TRPM4: variants seen among roughly 807,000 people sequenced by gnomAD.
The protein encoded by TRPM4 is transient receptor potential cation channel subfamily M member 4.
TRPM4 carries 124 observed loss-of-function variants against 135.6 expected under a neutral mutation model. That is an observed-to-expected ratio of 0.91 (90% CI 0.79 to 1.06). The LOEUF is 1.06. Ranked by LOEUF, TRPM4 falls within the 50% of genes least tolerant of loss-of-function variation. TRPM4 has a pLI of 0.00. For synonymous variants in TRPM4, 745 were observed against 705.6 expected (o/e 1.06, Z -0.88); for missense variants, 1,658 against 1,671.4 (o/e 0.99, Z 0.14).
chr19:49,182,501 C>T (rs936223017), intron 10 of TRPM4, 77 bp from the exon 11 acceptor site: 3 of 1,128,124 alleles, frequency 2.7e-6, no homozygotes, highest in African/African-American at 1.5e-5. Flanking sequence ...TCCATCCATC[C>T]GTCCCTCATA....
chr19:49,210,692 C>G lies in TRPM4; in HGVS notation c.3329-18C>G, dbSNP rs372309025. The G allele has an allele frequency of 1.2e-6, 2 of 1,613,658 alleles. No homozygotes were observed. Among genetic ancestry groups the G allele is most frequent in the African/African-American group, 2.7e-5 (2 of 74,906 alleles). On this transcript the variant is annotated intron_variant, in intron 21 of 24. Transcript: ENST00000252826. The surrounding 1 kb of genome is among the most constrained non-coding windows in gnomAD (Gnocchi z 4.1). ...AAGGGGCGTGGCCTGAGCCCTTTGA[C>G]TCCGCCCGCCCCTGCAGGGGTTTAC...
intron 2 of TRPM4, among the ~76,000 whole-genome samples, chr19:49,164,340 C>T: frequency 7.9e-6 from 1 of 127,192 alleles, no homozygotes; most frequent in Admixed American, 8.3e-5. Context: ...GTCTCTCTCC[C>T]TCCCTCCTTC....
chr19:49,198,861 A>G (rs933104885), intron 17 of TRPM4, among the ~76,000 whole-genome samples: 11 of 151,964 alleles, frequency 7.2e-5, no homozygotes, highest in Admixed American at 2.6e-4. Flanking sequence ...GGCCTCTCAA[A>G]GTGCTGGGAT....
rs757819250 is a variant in TRPM4, at chr19:49,210,311, CT to C, written c.3237del (p.Phe1079LeufsTer44). The C allele has an allele frequency of 6.2e-6, 10 of 1,614,134 alleles. No individual in the cohort carries two copies. The highest frequency in any genetic ancestry group is 1.6e-4 in the Middle Eastern group (1 of 6,084). ...FHSRPALAPP[F>X]IVISHLRLLL... ...ACTCTCGGCCCGCGCTGGCCCCGCCCTTTATCGTCATCTCCCACTTGCGCCT... is the reference window on the plus strand; with the variant it reads ...ACTCTCGGCCCGCGCTGGCCCCGCCCTTATCGTCATCTCCCACTTGCGCCT... On this transcript the variant is annotated frameshift_variant, in exon 21 of 25. Transcript: ENST00000252826. LOFTEE classifies it high-confidence loss of function. The surrounding 1 kb of genome is among the most constrained non-coding windows in gnomAD (Gnocchi z 4.1).
At position 49,211,113 on chromosome 19, in the gene TRPM4, G is replaced by T; in HGVS notation, c.3534+26G>T. ...GTGAGGCCTTGGGGCCTGGCTGGGG[G>T]ACTGTGGCAGGGGTCCCATCTCCCG... is the stretch of plus-strand genomic sequence containing the variant. On this transcript the variant is annotated intron_variant, in intron 23 of 24. Transcript: ENST00000252826. This position sits in a 1 kb window ranked among gnomAD's most constrained non-coding sequence, Gnocchi z 4.8. The T allele has an allele frequency of 6.2e-7, 1 of 1,613,110 alleles. No individual in the cohort carries two copies. The highest frequency in any genetic ancestry group is 8.5e-7 in the Non-Finnish European group (1 of 1,179,622).
intron 10 of TRPM4, among the ~76,000 whole-genome samples, chr19:49,182,094 GTCCA>G (rs879818462): frequency 0.015 from 833 of 56,032 alleles, 7 homozygotes; most frequent in African/African-American, 0.048. Context: ...CCATCCATCT[GTCCA>G]TCCATCCATC....
intron 9 of TRPM4, among the ~76,000 whole-genome samples, chr19:49,175,350 C>T (rs1003548106): frequency 1.3e-5 from 2 of 152,104 alleles, no homozygotes; most frequent in Non-Finnish European, 2.9e-5. Context: ...GCTGGGATTA[C>T]AGGCATGAGC....
Position 49,211,732 on chromosome 19 carries a change from C to T in TRPM4, c.*234C>T, listed in dbSNP as rs149217174. The T allele has an allele frequency of 1.8e-3, 1,131 of 614,832 alleles. 34 individuals are homozygous for T. In the East Asian group the frequency reaches 0.031, roughly 17 times the overall value. 38.1% of individuals were successfully genotyped at this position (614,832 alleles called of 1,614,324 possible). A position where few individuals can be genotyped will look rare whatever the true frequency, so the allele number is the denominator to read the frequency against. ...GAGGATCAAGGCCTGGATCCCGGGC[C>T]GTTATCCATCTGGAGGCTGCAGGGT... On this transcript the variant is annotated 3_prime_UTR_variant, in exon 25 of 25. Transcript: ENST00000252826. This position sits in a 1 kb window ranked among gnomAD's most constrained non-coding sequence, Gnocchi z 4.8.
At chr19:49,201,005 T>C (rs368240298) in intron 19 of TRPM4, among the ~76,000 whole-genome samples, 8 of 144,844 alleles carry the variant, frequency 5.5e-5, no homozygotes, top group African/African-American at 1.7e-4. Flanking sequence ...TTTTTCTTTT[T>C]TTTTTTCTTT....
At chr19:49,158,936 G>A (rs1277047631) in intron 2 of TRPM4, 2 of 152,288 alleles carry the variant, frequency 1.3e-5, no homozygotes, top group East Asian at 1.9e-4. Context: ...GGTGGCCGGG[G>A]ACACCAATTG....
At chr19:49,185,075 A>G (rs1469701465) in intron 12 of TRPM4, among the ~76,000 whole-genome samples, 1 of 151,632 alleles carries the variant, frequency 6.6e-6, no homozygotes, top group Non-Finnish European at 1.5e-5. Flanking sequence ...GGCTCCCTTT[A>G]GTTCTTTTTT....
rs748532297 is a variant in TRPM4 at position 49,210,287 on chromosome 19, C to T, written c.3210C>T (p.His1070=). 6.2e-7 allele frequency: 1 copy of T among 1,614,260 alleles called. No homozygotes were observed. Among genetic ancestry groups the T allele is most frequent in the South Asian group, 1.1e-5 (1 of 91,090 alleles). ...AQRYRLIREF[H]SRPALAPPFI... ...GTTACCGCCTCATCCGGGAATTCCA[C>T]TCTCGGCCCGCGCTGGCCCCGCCCT... The change falls in exon 21 of 25, where the codon CAC becomes CAT. Residue 1070 remains histidine (H), a synonymous_variant. Transcript: ENST00000252826. The surrounding 1 kb of genome is among the most constrained non-coding windows in gnomAD (Gnocchi z 4.1).
Position 49,200,877 on chromosome 19 carries a change from T to C in TRPM4, c.2953+92T>C, listed in dbSNP as rs549075107. ...TCCTGGCTCTAAGAAAATATCTGTC[T>C]CTCTGAGTCTCTGTCTCCCTCTTTC... On this transcript the variant is annotated intron_variant, in intron 19 of 24. Coordinates refer to ENST00000252826, the MANE Select transcript of TRPM4 (RefSeq NM_017636.4). 3.4e-5 allele frequency: 45 copies of C among 1,336,872 alleles called. 1 individual carries two copies. The South Asian group carries it at 5.5e-4, about 16-fold the overall frequency. The allele number at this position is 1,336,872 out of a possible 1,614,324, so 82.8% of individuals were successfully genotyped here. A position where few individuals can be genotyped will look rare whatever the true frequency, so the allele number is the denominator to read the frequency against.
intron 19 of TRPM4, among the ~76,000 whole-genome samples, chr19:49,201,722 C>T (rs544857919): frequency 1.3e-5 from 2 of 152,262 alleles, no homozygotes; most frequent in African/African-American, 4.8e-5. Flanking sequence ...CTCAGCCTCC[C>T]GAGTAGCTGG....
At position 49,202,037 on chromosome 19, in the gene TRPM4, C is replaced by T. The variant is rs1968955287; in HGVS notation, c.3027C>T (p.Gly1009=). The change falls in exon 20 of 25, where the codon GGC becomes GGT. Residue 1009 remains glycine, a synonymous_variant. Transcript: ENST00000252826. ...FWAHPPGAQA[G]TCVSQYANWL... ...CACACCCTCCTGGGGCCCAGGCGGGCACCTGCGTCTCCCAGTATGCCAACT... is the reference window on the plus strand; with the variant it reads ...CACACCCTCCTGGGGCCCAGGCGGGTACCTGCGTCTCCCAGTATGCCAACT... The T allele has an allele frequency of 6.2e-7, 1 of 1,614,022 alleles. No individual in the cohort carries two copies. The highest frequency in any genetic ancestry group is 1.3e-5 in the African/African-American group (1 of 75,044).
In TRPM4 at chr19:49,200,652, G is replaced by T. The variant is rs199905308; in HGVS notation, c.2820G>T (p.Trp940Cys). The change falls in exon 19 of 25, where the codon TGG becomes TGT. Residue 940 changes from tryptophan to cysteine, a missense_variant. This residue lies in a region of TRPM4 where 1,412 missense variants were observed against 1,408.7 expected (regional missense o/e 1.00). Transcript: ENST00000252826. ...VFFFLFFLGVWLVAYGVATEG... is the reference protein window; with the variant it reads ...VFFFLFFLGVCLVAYGVATEG... ...TCTTCCTCTTCTTCCTCGGCGTGTGGCTGGTAGCCTATGGCGTGGCCACGG... is the reference window on the plus strand; with the variant it reads ...TCTTCCTCTTCTTCCTCGGCGTGTGTCTGGTAGCCTATGGCGTGGCCACGG... The T allele has an allele frequency of 4.5e-5, 73 of 1,613,880 alleles. No individual in the cohort carries two copies. In the African/African-American group the frequency reaches 7.2e-4, roughly 16 times the overall value.
chr19:49,193,950 C>T (rs1318013430), intron 16 of TRPM4, among the ~76,000 whole-genome samples: 1 of 150,924 alleles, frequency 6.6e-6, no homozygotes, highest in Non-Finnish European at 1.5e-5. Context: ...CCTCCTCCTT[C>T]TCCTCCTCTT....
chr19:49,189,616 G>A (rs1968336155), intron 14 of TRPM4, among the ~76,000 whole-genome samples: 1 of 151,818 alleles, frequency 6.6e-6, no homozygotes, highest in Admixed American at 6.6e-5. Flanking sequence ...ATCTGCCTTG[G>A]GAAGCCCTAC....
intron 20 of TRPM4, among the ~76,000 whole-genome samples, chr19:49,207,220 C>T (rs981001859): frequency 6.6e-6 from 1 of 152,050 alleles, no homozygotes; most frequent in Non-Finnish European, 1.5e-5. Context: ...TTGTCTTGTC[C>T]CTGATCTTAG....
Sources: allele counts gnomAD v4.1 joint callset (sites outside exome capture counted in the v4.1 genomes callset), GRCh38; gene constraint gnomAD v4.1.1; regional missense constraint gnomAD v4.1.1; non-coding constraint Gnocchi (gnomAD v3.1); transcripts MANE v1.5; gene names NCBI Gene and HGNC (gene_info 2026-07-23, HGNC 2026-07-21).